The following CPPED1 variants were observed in gnomAD, a reference collection of about 807,000 sequenced individuals.
The protein encoded by CPPED1 is serine/threonine-protein phosphatase CPPED1.
CPPED1 carries 28 observed loss-of-function variants against 28.0 expected under a neutral mutation model. That is an observed-to-expected ratio of 1.00 (90% confidence interval 0.74 to 1.37). The LOEUF is 1.37. Among genes scored for constraint, CPPED1 ranks in the 40% most tolerant of loss-of-function variants. The pLI is 0.00. For missense variants in CPPED1, 504 were observed against 416.5 expected, an observed-to-expected ratio of 1.21 and a Z score of -1.83; for synonymous variants, 198 against 180.2, an observed-to-expected ratio of 1.10 and a Z score of -0.79.
intron 3 of CPPED1, among the ~76,000 whole-genome samples, chr16:12,671,726 G>T (rs548737785): frequency 6.6e-6 from 1 of 152,124 alleles, no homozygotes; most frequent in South Asian, 2.1e-4. Flanking sequence ...TTATAATGCT[G>T]TATTTTCACT....
chr16:12,724,671 G>C (rs1307519371), intron 2 of CPPED1, among the ~76,000 whole-genome samples: 2 of 152,202 alleles, frequency 1.3e-5, no homozygotes, highest in African/African-American at 2.4e-5. Flanking sequence ...AACATTTCAA[G>C]ACTAATTCTG....
chr16:12,780,348 G>A (rs909235232), intron 2 of CPPED1, among the ~76,000 whole-genome samples: 1 of 152,032 alleles, frequency 6.6e-6, no homozygotes, highest in African/African-American at 2.4e-5. Context: ...GCTAATTTTT[G>A]TATTTTTAGT....
intron 2 of CPPED1, among the ~76,000 whole-genome samples, chr16:12,747,140 A>G (rs1202965601): frequency 6.6e-6 from 1 of 152,048 alleles, no homozygotes; most frequent in East Asian, 1.9e-4. Context: ...CAATAGAAAT[A>G]TCAATAAGGC....
At chr16:12,771,331 T>C (rs568346742) in intron 2 of CPPED1, among the ~76,000 whole-genome samples, 15 of 152,370 alleles carry the variant, frequency 9.8e-5, no homozygotes, top group Non-Finnish European at 1.9e-4. Flanking sequence ...TCCAGAAAAC[T>C]GTACTGGGTG....
Position 12,664,632 on chromosome 16 carries a change from C to A in CPPED1, c.*254G>T. 2 of 1,280,654 alleles carry A rather than the reference C, an allele frequency of 1.6e-6. No homozygotes were observed. The highest frequency in any genetic ancestry group is 1.9e-5 in the South Asian group (1 of 52,704). 79.3% of individuals were successfully genotyped at this position (1,280,654 alleles called of 1,614,324 possible). ...ACAGCATTAGGAGAATTTATTCAAA[C>A]ATCCATGCAGAGATAGTCTAATATT... On this transcript the variant is annotated 3_prime_UTR_variant, in exon 4 of 4. Transcript: ENST00000381774. This position sits in a 1 kb window ranked among gnomAD's most constrained non-coding sequence, Gnocchi z 4.2.
At chr16:12,800,431 C>CAAAA (rs11303196) in intron 1 of CPPED1, among the ~76,000 whole-genome samples, 1 of 90,278 alleles carries the variant, frequency 1.1e-5, no homozygotes, top group Non-Finnish European at 2.5e-5. Flanking sequence ...GACTCTGTCT[C>CAAAA]AAAAAAAAAA....
chr16:12,666,111 C>T (rs1255746239), intron 3 of CPPED1, among the ~76,000 whole-genome samples: 1 of 151,844 alleles, frequency 6.6e-6, no homozygotes, highest in Non-Finnish European at 1.5e-5. Context: ...AGCAAGACTC[C>T]ATCTCAAAAT....
intron 2 of CPPED1, among the ~76,000 whole-genome samples, chr16:12,720,125 C>T (rs187882924): frequency 1.7e-4 from 26 of 152,220 alleles, no homozygotes; most frequent in East Asian, 1.4e-3. Context: ...GCACAGATGC[C>T]TTCACACCGA....
intron 2 of CPPED1, among the ~76,000 whole-genome samples, chr16:12,731,120 C>G (rs867501160): frequency 1.3e-5 from 2 of 150,094 alleles, no homozygotes; most frequent in African/African-American, 4.9e-5. Context: ...CCAGCCTGGG[C>G]AACATATGGA....
intron 3 of CPPED1, among the ~76,000 whole-genome samples, chr16:12,666,334 G>A (rs939154750): frequency 1.3e-5 from 2 of 152,060 alleles, no homozygotes; most frequent in African/African-American, 2.4e-5. Flanking sequence ...AAATGTCACC[G>A]GGAGTTCAGC....
chr16:12,678,881 G>A (rs547888705), intron 3 of CPPED1, among the ~76,000 whole-genome samples: 5 of 151,766 alleles, frequency 3.3e-5, no homozygotes, highest in Non-Finnish European at 7.4e-5. Flanking sequence ...TCTTTCTCTT[G>A]CTTTTTGCAA....
At chr16:12,712,217 C>G (rs1596456223) in intron 2 of CPPED1, among the ~76,000 whole-genome samples, 1 of 152,136 alleles carries the variant, frequency 6.6e-6, no homozygotes, top group South Asian at 2.1e-4. Flanking sequence ...ACAAGAATTT[C>G]CAGAGACAGC....
At chr16:12,780,929 G>C in intron 2 of CPPED1, 1 of 497,596 alleles carries the variant, frequency 2.0e-6, no homozygotes, top group East Asian at 3.6e-5. Flanking sequence ...GTGGGAATCT[G>C]TTCCATTTTT....
chr16:12,784,647 GCTT>G (rs1172106160), intron 1 of CPPED1, among the ~76,000 whole-genome samples: 1 of 151,698 alleles, frequency 6.6e-6, no homozygotes, highest in Non-Finnish European at 1.5e-5. Flanking sequence ...ACCAATGAAT[GCTT>G]CTAGCTGTGT....
rs2079787315 is a variant in CPPED1, at chr16:12,660,422, T to C, written c.*4464A>G. 6.6e-6 allele frequency: 1 copy of C among 152,016 alleles called. No individual in the cohort carries two copies. Among genetic ancestry groups the C allele is most frequent in the African/African-American group, 2.4e-5 (1 of 41,364 alleles). The allele number at this position is 152,016 out of a possible 1,614,324, so 9.4% of individuals were successfully genotyped here. On this transcript the variant is annotated 3_prime_UTR_variant, in exon 4 of 4. Transcript: ENST00000381774. ...AAAATCCACTGGAGGAAAAGGAAAA[T>C]TTAGTCAGCAAAATCTTTTCTAGAT...
intron 2 of CPPED1, among the ~76,000 whole-genome samples, chr16:12,750,519 T>C (rs1437986193): frequency 6.6e-6 from 1 of 152,196 alleles, no homozygotes; most frequent in African/African-American, 2.4e-5. Context: ...TTATCTATTA[T>C]ATTTGCCACC....
rs2080677433 is a variant in CPPED1, at chr16:12,803,860, C to G, written c.-84G>C. 2.2e-6 allele frequency: 3 copies of G among 1,352,534 alleles called. No individual in the cohort carries two copies. Among genetic ancestry groups the G allele is most frequent in the Non-Finnish European group, 3.0e-6 (3 of 996,636 alleles). 83.8% of individuals were successfully genotyped at this position (1,352,534 alleles called of 1,614,324 possible). On this transcript the variant is annotated 5_prime_UTR_variant, in exon 1 of 4. Coordinates refer to ENST00000381774, the MANE Select transcript of CPPED1 (RefSeq NM_018340.3). ...CACACAGAACAACCGCTGGACCTGT[C>G]CCGCTTTGGGCGACGCCCTTTGATC...
At chr16:12,700,105 T>C (rs1567279909) in intron 3 of CPPED1, among the ~76,000 whole-genome samples, 3 of 152,162 alleles carry the variant, frequency 2.0e-5, no homozygotes, top group African/African-American at 4.8e-5. Flanking sequence ...GTTTGGAAGG[T>C]CATTCAGCAA....
chr16:12,791,933 G>T (rs1180888106), intron 1 of CPPED1, among the ~76,000 whole-genome samples: 1 of 151,758 alleles, frequency 6.6e-6, no homozygotes, highest in Non-Finnish European at 1.5e-5. Context: ...GCCTAAAGGG[G>T]CCCAAAGTTC....
Sources: gnomAD v4.1 joint callset for allele counts (sites outside exome capture counted in the v4.1 genomes callset) on GRCh38, gnomAD v4.1.1 for gene constraint, Gnocchi (gnomAD v3.1) non-coding constraint, MANE v1.5 for transcripts, NCBI Gene and HGNC (gene_info 2026-07-23, HGNC 2026-07-21) for gene names.